The following LAMP3 variants were observed in gnomAD, a reference collection of about 807,000 sequenced individuals.
LAMP3 encodes the protein lysosome-associated membrane glycoprotein 3.
Under a neutral mutation model 34.8 loss-of-function variants are expected in LAMP3, and 26 were observed. The observed-to-expected ratio is 0.75, with a 90% CI of 0.55 to 1.04. The LOEUF (loss-of-function observed/expected upper bound fraction) is 1.04. Among genes scored for constraint, LAMP3 ranks in the 50% least tolerant of loss-of-function variants. The probability of loss-of-function intolerance (pLI) is 0.00; values close to 1 mark genes in which losing one functional copy is unlikely to be tolerated. For missense variants in LAMP3, 495 were observed against 524.0 expected (o/e 0.94, Z 0.54); for synonymous variants, 180 against 201.9 (o/e 0.89, Z 0.92).
Position 183,127,062 on chromosome 3 carries a change from T to G in LAMP3, c.1118-2848A>C, listed in dbSNP as rs140954922. Reference sequence around the variant, plus strand: ...TGTTTACTAAACTTCGTTTCCAGTTTAAACATTATCTATTGATACTGTTTT... The same window carrying G: ...TGTTTACTAAACTTCGTTTCCAGTTGAAACATTATCTATTGATACTGTTTT... On this transcript the variant is annotated intron_variant, in intron 5 of 5. Transcript: ENST00000265598. Among the ~76,000 whole-genome samples, 46 of 152,380 alleles carry G rather than the reference T, an allele frequency of 3.0e-4. No homozygotes were observed. In the East Asian group the frequency reaches 8.5e-3, roughly 28 times the overall value.
intron 4 of LAMP3, among the ~76,000 whole-genome samples, chr3:183,136,653 G>GACA (rs1553874638): frequency 2.0e-5 from 2 of 100,608 alleles, no homozygotes; most frequent in African/African-American, 7.9e-5. Context: ...CTCCGTTTCA[G>GACA]AAAAAAAAAA....
In LAMP3 at chr3:183,153,878, G is replaced by A. The variant is rs768659662; in HGVS notation, c.563C>T (p.Pro188Leu). Reference sequence around the variant, plus strand: ...TGCCGTTGTTCCTGGGGCATGGGTGGGTTGAACAGGCTTCTGACCGGTTGT... The same window carrying A: ...TGCCGTTGTTCCTGGGGCATGGGTGAGTTGAACAGGCTTCTGACCGGTTGT... Reference protein sequence around the residue: ...KSTTGQKPVQPTHAPGTTAAA... With the variant: ...KSTTGQKPVQLTHAPGTTAAA... Residue 188 changes from proline (P) to leucine (L), a missense_variant, in exon 2 of 6, where the codon CCC (proline) becomes CTC (leucine). Coordinates refer to ENST00000265598, the MANE Select transcript of LAMP3 (RefSeq NM_014398.4). 8.7e-6 allele frequency: 14 copies of A among 1,613,990 alleles called. No homozygotes were observed. The South Asian group carries it at 1.2e-4, about 14-fold the overall frequency.
In LAMP3 at chr3:183,158,327, T is replaced by C. The variant is rs62295686; in HGVS notation, c.50-3936A>G. 3.3e-3 allele frequency among the ~76,000 whole-genome samples: 509 copies of C among 152,274 alleles called. 1 individual carries two copies. The highest frequency in any genetic ancestry group is 0.01 in the Middle Eastern group (3 of 294). On this transcript the variant is annotated intron_variant, in intron 1 of 5. Transcript: ENST00000265598. ...AGTTTTTAAATGGGATGTTTGGCCC[T>C]ATAGAGGTTTAGTCAAGGTCACAGG...
chr3:183,140,653 T>C (rs1720255031), intron 3 of LAMP3, 58 bp from the exon 4 acceptor site: 2 of 1,154,828 alleles, frequency 1.7e-6, no homozygotes, highest in African/African-American at 3.1e-5. Context: ...TTTACAATCT[T>C]GGTTTATAAA....
intron 5 of LAMP3, 107 bp from the exon 6 acceptor site, chr3:183,124,321 C>G (rs191530498): frequency 1.0e-6 from 1 of 966,632 alleles, no homozygotes; most frequent in Non-Finnish European, 1.4e-6. Flanking sequence ...CAAAGCTTGA[C>G]TTTTAACTCC....
rs1719733314 is a variant in LAMP3, at chr3:183,124,286, A to T, written c.1118-72T>A. The T allele has an allele frequency of 2.3e-6, 3 of 1,327,700 alleles. No homozygotes were observed. In the East Asian group the frequency reaches 8.1e-5, roughly 36 times the overall value. The allele number at this position is 1,327,700 out of a possible 1,614,324, so 82.2% of individuals were successfully genotyped here. Reference sequence around the variant, plus strand: ...CAGTCCAGAAAGCAGGCTAGAGGGGAAAGAAGATGAGCTTTGGCATCAAAC... The same window carrying T: ...CAGTCCAGAAAGCAGGCTAGAGGGGTAAGAAGATGAGCTTTGGCATCAAAC... On this transcript the variant is annotated intron_variant, in intron 5 of 5. Transcript: ENST00000265598.
chr3:183,150,070 T>C (rs1264574034), intron 3 of LAMP3, among the ~76,000 whole-genome samples: 1 of 152,120 alleles, frequency 6.6e-6, no homozygotes, highest in East Asian at 1.9e-4. Flanking sequence ...AAAGCAGCTA[T>C]TGCAACACTC....
rs547972477 is a variant in LAMP3 at position 183,146,439 on chromosome 3, A to G, written c.889-5844T>C. Among the ~76,000 whole-genome samples, 9 of 152,054 alleles carry G rather than the reference A, an allele frequency of 5.9e-5. No homozygotes were observed. In the East Asian group the frequency reaches 1.7e-3, roughly 29 times the overall value. On this transcript the variant is annotated intron_variant, in intron 3 of 5. Coordinates refer to ENST00000265598, the MANE Select transcript of LAMP3 (RefSeq NM_014398.4). ...TAAATACACTTCATACAATACACCC[A>G]TTAGGGCAGAAGTCACAGGGTCAGA...
intron 5 of LAMP3, chr3:183,132,818 T>C (rs1200758093): frequency 1.0e-6 from 1 of 985,348 alleles, no homozygotes; most frequent in Non-Finnish European, 1.2e-6. Flanking sequence ...AGTGGGGCTT[T>C]ACATGCGTTC....
chr3:183,161,775 T>G, intron 1 of LAMP3: 2 of 165,748 alleles, frequency 1.2e-5, no homozygotes, highest in Non-Finnish European at 2.5e-5. Flanking sequence ...TAGGCTGAGA[T>G]TGTTTTGCTT....
At chr3:183,144,071 C>T (rs1720368596) in intron 3 of LAMP3, among the ~76,000 whole-genome samples, 1 of 152,152 alleles carries the variant, frequency 6.6e-6, no homozygotes, top group Non-Finnish European at 1.5e-5. Flanking sequence ...GTTTCATAGT[C>T]CCAGCTGTTC....
rs532145118 is a variant in LAMP3, at chr3:183,140,022, C to T, written c.946+516G>A. Among the ~76,000 whole-genome samples, 4 of 152,288 alleles carry T rather than the reference C, an allele frequency of 2.6e-5. No homozygotes were observed. The South Asian group carries it at 6.2e-4, about 24-fold the overall frequency. On this transcript the variant is annotated intron_variant, in intron 4 of 5. Coordinates refer to ENST00000265598, the MANE Select transcript of LAMP3 (RefSeq NM_014398.4). ...CTCTGACGTAATCTAGTCCAGCCTC[C>T]TTTATGAGCAGATGGGCAAATTACA...
At chr3:183,143,582 C>G (rs1322185774) in intron 3 of LAMP3, among the ~76,000 whole-genome samples, 1 of 152,186 alleles carries the variant, frequency 6.6e-6, no homozygotes, top group African/African-American at 2.4e-5. Flanking sequence ...CTCACCCTTT[C>G]CATATGGTAT....
intron 3 of LAMP3, 72 bp downstream of exon 3, chr3:183,152,303 C>G: frequency 1.4e-6 from 2 of 1,478,270 alleles, no homozygotes; most frequent in Non-Finnish European, 1.8e-6. Flanking sequence ...GGGGTTGCAC[C>G]ACCTGGCCCC....
At chr3:183,133,995 C>A (rs2108597614) in intron 5 of LAMP3, among the ~76,000 whole-genome samples, 1 of 152,302 alleles carries the variant, frequency 6.6e-6, no homozygotes, top group South Asian at 2.1e-4. Context: ...CTCCCATAAC[C>A]CTTTGCACAT....
intron 1 of LAMP3, among the ~76,000 whole-genome samples, chr3:183,158,652 C>T (rs941799452): frequency 6.6e-6 from 1 of 152,066 alleles, no homozygotes; most frequent in African/African-American, 2.4e-5. Context: ...ATTGCCCAGT[C>T]CCCTGAGAAA....
At chr3:183,151,611 A>T (rs1342865812) in intron 3 of LAMP3, among the ~76,000 whole-genome samples, 1 of 151,956 alleles carries the variant, frequency 6.6e-6, no homozygotes, top group East Asian at 1.9e-4. Flanking sequence ...ATATTTCAGT[A>T]GAGACGGGCT....
Position 183,124,055 on chromosome 3 carries a change from T to C in LAMP3, c.*26A>G, listed in dbSNP as rs769121427. On this transcript the variant is annotated 3_prime_UTR_variant, in exon 6 of 6. Coordinates refer to ENST00000265598, the MANE Select transcript of LAMP3 (RefSeq NM_014398.4). ...GGATGAAAGAGTTCTCTAAATTCCA[T>C]TATTTTCATTCCCCCCGGGCAACAA... 3 of 1,613,676 alleles carry C rather than the reference T, an allele frequency of 1.9e-6. No homozygotes were observed. The highest frequency in any genetic ancestry group is 1.7e-5 in the Admixed American group (1 of 59,980).
rs182955501 is a variant in LAMP3, at chr3:183,124,113, T to G, written c.1219A>C (p.Arg407=). 6.2e-7 allele frequency: 1 copy of G among 1,614,062 alleles called. No homozygotes were observed. The highest frequency in any genetic ancestry group is 8.5e-7 in the Non-Finnish European group (1 of 1,179,988). ...CTCTGGTATCCAGATGATTGACACC[T>G]TAGGCGGATTTTATAGACACCCATA... ...MGMGVYKIRL[R]CQSSGYQRI is the part of the protein sequence containing the mutation. Residue 407 remains arginine (R), a synonymous_variant, in exon 6 of 6, where the codon AGG becomes CGG. Coordinates refer to ENST00000265598, the MANE Select transcript of LAMP3 (RefSeq NM_014398.4).
Sources: gnomAD v4.1 joint callset for allele counts (sites outside exome capture counted in the v4.1 genomes callset) on GRCh38, gnomAD v4.1.1 for gene constraint, MANE v1.5 for transcripts, NCBI Gene and HGNC (gene_info 2026-07-23, HGNC 2026-07-21) for gene names.